Variants in NT5DC1 observed in about 807,000 individuals in gnomAD.
NT5DC1 encodes the protein 5'-nucleotidase domain containing 1.
Under a neutral mutation model 59.4 loss-of-function variants are expected in NT5DC1, and 42 were observed. The ratio of observed to expected loss-of-function variants is 0.71; its 90% CI spans 0.55 to 0.92. The LOEUF (loss-of-function observed/expected upper bound fraction) is 0.92, where lower values mean the gene tolerates loss of function less well. Ranked by LOEUF, NT5DC1 falls within the 40% of genes least tolerant of loss-of-function variation. NT5DC1 has a pLI of 0.00. For synonymous variants in NT5DC1, 172 were observed against 188.1 expected (o/e 0.91, Z 0.70); for missense variants, 501 against 537.1 (o/e 0.93, Z 0.66).
intron 8 of NT5DC1, among the ~76,000 whole-genome samples, chr6:116,233,118 A>T (rs1388299688): frequency 6.6e-6 from 1 of 152,236 alleles, no homozygotes; most frequent in Non-Finnish European, 1.5e-5. Flanking sequence ...GAACTTTGGT[A>T]TAGAAAATTG....
intron 10 of NT5DC1, 68 bp from the exon 11 acceptor site, chr6:116,238,887 A>T: frequency 2.0e-6 from 2 of 1,015,878 alleles, no homozygotes; most frequent in Non-Finnish European, 3.0e-6. Context: ...TTTACTTAAT[A>T]GACAAAAAAA....
At chr6:116,209,753 G>C (rs778960510) in intron 6 of NT5DC1, among the ~76,000 whole-genome samples, 10 of 151,872 alleles carry the variant, frequency 6.6e-5, no homozygotes, top group Non-Finnish European at 1.3e-4. Flanking sequence ...GACAATATCA[G>C]TTCAGTGACA....
chr6:116,122,986 A>G (rs1779179465), intron 6 of NT5DC1, among the ~76,000 whole-genome samples: 1 of 152,244 alleles, frequency 6.6e-6, no homozygotes, highest in South Asian at 2.1e-4. Context: ...TGTAGTGTAC[A>G]TACATGATTA....
intron 6 of NT5DC1, among the ~76,000 whole-genome samples, chr6:116,177,940 A>T (rs1244911527): frequency 6.6e-6 from 1 of 152,048 alleles, no homozygotes; most frequent in Non-Finnish European, 1.5e-5. Flanking sequence ...GAGATTGGAG[A>T]TTAGTTTCAT....
At chr6:116,120,169 C>G (rs1779066856) in intron 6 of NT5DC1, 3 of 1,614,120 alleles carry the variant, frequency 1.9e-6, no homozygotes, top group Non-Finnish European at 8.5e-7. Flanking sequence ...GGAGCCACAC[C>G]TGGTCATTTT....
At chr6:116,103,440 T>G (rs1339739571) in intron 1 of NT5DC1, among the ~76,000 whole-genome samples, 1 of 152,064 alleles carries the variant, frequency 6.6e-6, no homozygotes, top group Non-Finnish European at 1.5e-5. Flanking sequence ...GGATTTCTGC[T>G]TCTTCCCACC....
chr6:116,214,739 G>A (rs775179404), intron 6 of NT5DC1, among the ~76,000 whole-genome samples: 1 of 152,016 alleles, frequency 6.6e-6, no homozygotes, highest in Non-Finnish European at 1.5e-5. Context: ...TAGAGGAGGA[G>A]AAACACTGTG....
chr6:116,208,890 A>T (rs868670992), intron 6 of NT5DC1, among the ~76,000 whole-genome samples: 22 of 151,998 alleles, frequency 1.4e-4, no homozygotes, highest in African/African-American at 5.3e-4. Context: ...ACTAATAGAG[A>T]ACCCAGGCCA....
intron 6 of NT5DC1, among the ~76,000 whole-genome samples, chr6:116,138,551 A>T (rs1465481153): frequency 1.3e-5 from 2 of 151,976 alleles, no homozygotes; most frequent in East Asian, 3.8e-4. Context: ...AGCTAATTGA[A>T]AAGCAAATAG....
At chr6:116,119,991 A>C (rs1429498253) in intron 6 of NT5DC1, 11 of 1,177,564 alleles carry the variant, frequency 9.3e-6, no homozygotes, top group Non-Finnish European at 1.0e-5. Context: ...TTTTCAGCCT[A>C]CCTCCATATG....
At chr6:116,172,302 A>ATAACCCCTTAG (rs1780626473) in intron 6 of NT5DC1, among the ~76,000 whole-genome samples, 1 of 148,246 alleles carries the variant, frequency 6.7e-6, no homozygotes, top group Non-Finnish European at 1.5e-5. Flanking sequence ...TCATTTTAGT[A>ATAACCCCTTAG]TAACCCCTTA....
intron 4 of NT5DC1, among the ~76,000 whole-genome samples, chr6:116,113,728 C>A (rs1014311405): frequency 1.3e-5 from 2 of 152,174 alleles, no homozygotes; most frequent in South Asian, 4.1e-4. Context: ...TTAATTAGAA[C>A]TCAGCCCTTA....
At chr6:116,178,103 G>A (rs879401079) in intron 6 of NT5DC1, among the ~76,000 whole-genome samples, 20 of 95,202 alleles carry the variant, frequency 2.1e-4, no homozygotes, top group African/African-American at 7.4e-4. Context: ...GCGCGCGCGC[G>A]TGCGTGCGTG....
chr6:116,139,189 GA>G (rs1779701617), intron 6 of NT5DC1, among the ~76,000 whole-genome samples: 1 of 152,086 alleles, frequency 6.6e-6, no homozygotes. Context: ...AAGAGTTTTG[GA>G]GCCCATGGGA....
chr6:116,108,956 T>C (rs994825264), intron 3 of NT5DC1, among the ~76,000 whole-genome samples: 1 of 152,168 alleles, frequency 6.6e-6, no homozygotes, highest in African/African-American at 2.4e-5. Flanking sequence ...CATCAACCTC[T>C]TCCTCCTCCC....
At chr6:116,116,458 A>G (rs9488840) in intron 5 of NT5DC1, among the ~76,000 whole-genome samples, 40,125 of 152,044 alleles carry the variant, frequency 0.26, 5,740 homozygotes, top group Middle Eastern at 0.35. Context: ...CCTGGCCAAT[A>G]TGGTGAAACC....
At chr6:116,163,517 T>A (rs1780393504) in intron 6 of NT5DC1, among the ~76,000 whole-genome samples, 1 of 152,132 alleles carries the variant, frequency 6.6e-6, no homozygotes, top group Non-Finnish European at 1.5e-5. Context: ...CTTTTTTTCT[T>A]GTTTAATCTA....
intron 6 of NT5DC1, among the ~76,000 whole-genome samples, chr6:116,162,390 A>G (rs1362403574): frequency 6.6e-6 from 1 of 152,120 alleles, no homozygotes; most frequent in African/African-American, 2.4e-5. Context: ...TTTTCCCTGT[A>G]AGTATGATGT....
intron 6 of NT5DC1, chr6:116,121,350 C>T (rs1562124190): frequency 6.2e-7 from 1 of 1,614,118 alleles, no homozygotes; most frequent in Non-Finnish European, 8.5e-7. Flanking sequence ...CCTCGTTCCC[C>T]AGGAGGGCCT....
Sources: allele counts gnomAD v4.1 joint callset (sites outside exome capture counted in the v4.1 genomes callset), GRCh38; gene constraint gnomAD v4.1.1; transcripts MANE v1.5; gene names NCBI Gene and HGNC (gene_info 2026-07-23, HGNC 2026-07-21).